The following PDE12 variants were observed in gnomAD, a reference collection of about 807,000 sequenced individuals.
PDE12 encodes phosphodiesterase 12, also known as 2',5'-phosphodiesterase 12.
Under a neutral mutation model 45.4 loss-of-function variants are expected in PDE12, and 26 were observed. That is an observed-to-expected ratio of 0.57 (90% CI 0.42 to 0.79). The LOEUF (loss-of-function observed/expected upper bound fraction) is 0.79, where lower values mean the gene tolerates loss of function less well. Among genes scored for constraint, PDE12 ranks in the 30% least tolerant of loss-of-function variants. PDE12 has a pLI of 0.00. For synonymous variants in PDE12, 283 were observed against 323.9 expected, an observed-to-expected ratio of 0.87 and a Z score of 1.36; for missense variants, 668 against 790.0, an observed-to-expected ratio of 0.85 and a Z score of 1.85.
the PDE12 span, among the ~76,000 whole-genome samples, chr3:57,598,404 C>T: frequency 6.6e-6 from 1 of 152,262 alleles, no homozygotes; most frequent in African/African-American, 2.4e-5. Flanking sequence ...TGAAGGCTTG[C>T]TGAGTAACGC....
the PDE12 span, among the ~76,000 whole-genome samples, chr3:57,577,966 A>T: frequency 6.6e-6 from 1 of 152,068 alleles, no homozygotes; most frequent in Admixed American, 6.6e-5. Flanking sequence ...AGGTGGGAGG[A>T]ATCACGAGCC....
At chr3:57,577,184 T>A in the PDE12 span, 1 of 743,890 alleles carries the variant, frequency 1.3e-6, no homozygotes, top group South Asian at 1.8e-5. Context: ...GATAATATAG[T>A]TTCTTAAGTT....
the PDE12 span, chr3:57,598,008 G>C: frequency 1.3e-5 from 2 of 152,218 alleles, no homozygotes; most frequent in African/African-American, 2.4e-5. Flanking sequence ...CAAGGCGAGA[G>C]CGCTCCAACA....
chr3:57,630,537 T>G, the PDE12 span: 20 of 1,582,850 alleles, frequency 1.3e-5, no homozygotes, highest in Non-Finnish European at 1.4e-5. Context: ...TAAAAATACA[T>G]TTTAAAAAAG....
chr3:57,573,460 G>C, the PDE12 span, among the ~76,000 whole-genome samples: 1 of 152,138 alleles, frequency 6.6e-6, no homozygotes, highest in Admixed American at 6.6e-5. Flanking sequence ...ATACCATGTT[G>C]CCAATTATTT....
chr3:57,622,655 G>A, the PDE12 span, among the ~76,000 whole-genome samples: 1 of 152,136 alleles, frequency 6.6e-6, no homozygotes, highest in Non-Finnish European at 1.5e-5. Context: ...AGCTTTATCT[G>A]TAATAGCCAA....
At chr3:57,567,062 C>T (rs555456378), downstream of PDE12, among the ~76,000 whole-genome samples, 30 of 152,150 alleles carry the variant, frequency 2.0e-4, no homozygotes, top group Non-Finnish European at 4.3e-4. Flanking sequence ...GTAATCCTAG[C>T]ACTTTGGGAG....
chr3:57,593,279 A>T, the PDE12 span, among the ~76,000 whole-genome samples: 1 of 152,222 alleles, frequency 6.6e-6, no homozygotes, highest in Non-Finnish European at 1.5e-5. Flanking sequence ...ATAGGTAATT[A>T]TCACTTTATT....
chr3:57,609,584 C>T, the PDE12 span, among the ~76,000 whole-genome samples: 5 of 152,104 alleles, frequency 3.3e-5, 1 homozygote, highest in Middle Eastern at 6.3e-3. Flanking sequence ...TACAAACTAC[C>T]ATCAGAGAAT....
rs2069773606 is a variant in PDE12 at position 57,565,278 on chromosome 3, C to G, written c.*5274C>G. On this transcript the variant is annotated 3_prime_UTR_variant, in exon 3 of 3. Coordinates refer to ENST00000311180, the MANE Select transcript of PDE12 (RefSeq NM_177966.7). The stretch of plus-strand genomic sequence containing the variant: ...TACTGGGATTATAGGTGTGAGCCAG[C>G]ACACATAGCCCTTTTTTTAAAAAAA... 2 of 152,172 alleles carry G rather than the reference C, an allele frequency of 1.3e-5. No homozygotes were observed. Among genetic ancestry groups the G allele is most frequent in the Non-Finnish European group, 2.9e-5 (2 of 68,052 alleles). 9.4% of individuals were successfully genotyped at this position (152,172 alleles called of 1,614,324 possible).
the PDE12 span, among the ~76,000 whole-genome samples, chr3:57,607,994 C>T: frequency 6.6e-6 from 1 of 152,066 alleles, no homozygotes; most frequent in African/African-American, 2.4e-5. Context: ...AGAGAAAGGT[C>T]GGGTTACTCA....
At chr3:57,636,923 C>T in the PDE12 span, among the ~76,000 whole-genome samples, 6 of 127,604 alleles carry the variant, frequency 4.7e-5, no homozygotes, top group Admixed American at 3.0e-4. Context: ...GGTGACAGAG[C>T]GAGACTCTGT....
At chr3:57,603,176 AAG>A in the PDE12 span, among the ~76,000 whole-genome samples, 1 of 152,182 alleles carries the variant, frequency 6.6e-6, no homozygotes, top group East Asian at 1.9e-4. Context: ...CAAAAAAAAA[AAG>A]GGGTTTCAAA....
chr3:57,618,613 T>TTTC, the PDE12 span, among the ~76,000 whole-genome samples: 1 of 120,664 alleles, frequency 8.3e-6, no homozygotes, highest in Admixed American at 9.3e-5. Context: ...TTGTGTTTTT[T>TTTC]TTTTTTTTTT....
chr3:57,627,437 C>A, the PDE12 span: 1 of 152,076 alleles, frequency 6.6e-6, no homozygotes, highest in Admixed American at 6.6e-5. Context: ...AGCCACCACA[C>A]CCAGCCTAAT....
rs2069760035 is a variant in PDE12, at chr3:57,564,505, T to G, written c.*4501T>G. ...GTAATTCACTTTAATGATGTTATCA[T>G]GAAGTATTGATGTACTTTTTTTTTA... On this transcript the variant is annotated 3_prime_UTR_variant, in exon 3 of 3. Coordinates refer to ENST00000311180, the MANE Select transcript of PDE12 (RefSeq NM_177966.7). 7.0e-6 allele frequency: 1 copy of G among 142,202 alleles called. No individual in the cohort carries two copies. The highest frequency in any genetic ancestry group is 2.5e-5 in the African/African-American group (1 of 40,236). 8.8% of individuals were successfully genotyped at this position (142,202 alleles called of 1,614,324 possible).
the PDE12 span, among the ~76,000 whole-genome samples, chr3:57,624,146 TCTGA>T: frequency 6.6e-6 from 1 of 151,426 alleles, no homozygotes; most frequent in Admixed American, 6.6e-5. Context: ...TACCACCATG[TCTGA>T]CTACTTTTTT....
At position 57,559,905 on chromosome 3, in the gene PDE12, A is replaced by G. The variant is rs780637530; in HGVS notation, c.1731A>G (p.Pro577=). Residue 577 remains proline (P), a synonymous_variant, in exon 3 of 3, where the codon CCA becomes CCG. Transcript: ENST00000311180. ...LNALEVEQVI[P]LPSHEEVTTH... ...CTTTAGAGGTTGAACAGGTGATTCC[A>G]TTACCTAGTCATGAAGAAGTTACCA... The G allele has an allele frequency of 6.2e-7, 1 of 1,614,072 alleles. No homozygotes were observed. Among genetic ancestry groups the G allele is most frequent in the Non-Finnish European group, 8.5e-7 (1 of 1,180,040 alleles).
At chr3:57,609,078 AACTC>A in the PDE12 span, among the ~76,000 whole-genome samples, 2 of 152,214 alleles carry the variant, frequency 1.3e-5, no homozygotes, top group African/African-American at 4.8e-5. Flanking sequence ...AGGATTAAGA[AACTC>A]ACTCAAAACC....
Sources: allele counts gnomAD v4.1 joint callset (sites outside exome capture counted in the v4.1 genomes callset), GRCh38; gene constraint gnomAD v4.1.1; transcripts MANE v1.5; gene names NCBI Gene and HGNC (gene_info 2026-07-23, HGNC 2026-07-21).